NAV3: variants seen among roughly 807,000 people sequenced by gnomAD.
NAV3 encodes the protein pore membrane and/or filament interacting like protein 1.
In NAV3, 87 loss-of-function variants were observed where a neutral mutation model predicts 244.7. The observed-to-expected ratio is 0.36, with a 90% CI of 0.30 to 0.42. The LOEUF is 0.42. Ranked by LOEUF, NAV3 falls within the 20% of genes least tolerant of loss-of-function variation. NAV3 has a pLI of 1.00. For synonymous variants in NAV3, 1,126 were observed against 1,042.2 expected (o/e 1.08, Z -1.55); for missense variants, 2,663 against 2,893.3 (o/e 0.92, Z 1.83).
In NAV3 at chr12:77,719,370, C is replaced by T. The variant is rs553665032; in HGVS notation, c.72+147104C>T. ...GAATAGAAATTGTGAGAGTAGGAAT[C>T]TTTGCCCTTTTTCTAAGGCAAATCT... On this transcript the variant is annotated intron_variant, in intron 2 of 8. Transcript: ENST00000550042. 2.0e-4 allele frequency among the ~76,000 whole-genome samples: 30 copies of T among 149,694 alleles called. No homozygotes were observed. In the South Asian group the frequency reaches 6.1e-3, roughly 30 times the overall value.
chr12:77,851,665 G>A (rs1565856663), intron 1 of NAV3, among the ~76,000 whole-genome samples: 1 of 152,010 alleles, frequency 6.6e-6, no homozygotes, highest in African/African-American at 2.4e-5. Flanking sequence ...AAAATGCTAT[G>A]CTATTATCTC....
chr12:78,196,676 G>T (rs1346065577), intron 34 of NAV3, among the ~76,000 whole-genome samples: 1 of 151,866 alleles, frequency 6.6e-6, no homozygotes, highest in African/African-American at 2.4e-5. Context: ...TAAAATTACA[G>T]CAATTGCATG....
At chr12:77,774,912 A>G (rs546070072) in intron 2 of NAV3, among the ~76,000 whole-genome samples, 1 of 152,334 alleles carries the variant, frequency 6.6e-6, no homozygotes, top group Non-Finnish European at 1.5e-5. Context: ...TCCATTTAGT[A>G]TATTTCTGTA....
chr12:77,737,743 G>A (rs1877395030), intron 2 of NAV3, among the ~76,000 whole-genome samples: 1 of 152,114 alleles, frequency 6.6e-6, no homozygotes, highest in East Asian at 1.9e-4. Flanking sequence ...GCCATTCATT[G>A]GGCTTTTCAA....
intron 1 of NAV3, among the ~76,000 whole-genome samples, chr12:77,920,213 A>G (rs1057170249): frequency 2.0e-5 from 3 of 152,066 alleles, no homozygotes; most frequent in Admixed American, 1.3e-4. Context: ...GTGTTGTTTT[A>G]GGAGTCACAT....
chr12:77,591,266 A>C (rs777904302), intron 2 of NAV3, among the ~76,000 whole-genome samples: 2 of 152,204 alleles, frequency 1.3e-5, no homozygotes, highest in African/African-American at 4.8e-5. Flanking sequence ...TGTTACTTCT[A>C]TCTGTCTCAA....
chr12:77,766,735 G>GTTTGTTTGTTTTT lies in NAV3; in HGVS notation c.73-173581_73-173580insGTTTGTTTTTTTT, dbSNP rs1555202961. Among the ~76,000 whole-genome samples, 49 of 60,514 alleles carry GTTTGTTTGTTTTT rather than the reference G, an allele frequency of 8.1e-4. 1 individual carries two copies. Among genetic ancestry groups the GTTTGTTTGTTTTT allele is most frequent in the South Asian group, 1.7e-3 (2 of 1,190 alleles). 39.7% of individuals were successfully genotyped at this position (60,514 alleles called of 152,430 possible). A position where few individuals can be genotyped will look rare whatever the true frequency, so the allele number is the denominator to read the frequency against. On this transcript the variant is annotated intron_variant, in intron 2 of 8. Transcript: ENST00000550042. ...AGGATTCTAAAAAACAGGCAATTAA[G>GTTTGTTTGTTTTT]TTTTTTTTTTTTTTTTTTTTTTTTT...
intron 1 of NAV3, among the ~76,000 whole-genome samples, chr12:77,934,051 T>C (rs1466891790): frequency 2.6e-5 from 4 of 152,192 alleles, no homozygotes; most frequent in African/African-American, 9.6e-5. Flanking sequence ...CATAATCACT[T>C]TCAGTTTAAA....
intron 23 of NAV3, among the ~76,000 whole-genome samples, chr12:78,164,656 T>C (rs192872491): frequency 1.3e-5 from 2 of 152,190 alleles, no homozygotes. Flanking sequence ...TGTAATTTAT[T>C]TGAAACTAGA....
intron 2 of NAV3, among the ~76,000 whole-genome samples, chr12:77,666,616 G>T (rs1873728585): frequency 6.6e-6 from 1 of 152,126 alleles, no homozygotes; most frequent in Admixed American, 6.6e-5. Context: ...TCTGCTCAAG[G>T]TATTAAATTG....
intron 9 of NAV3, among the ~76,000 whole-genome samples, chr12:78,031,272 G>A (rs1878934289): frequency 6.6e-6 from 1 of 152,180 alleles, no homozygotes; most frequent in African/African-American, 2.4e-5. Flanking sequence ...CTACCTGGAA[G>A]TACTGGTGTC....
chr12:77,968,897 G>C (rs1330461497), intron 5 of NAV3, among the ~76,000 whole-genome samples, 195 bp downstream of exon 5: 1 of 152,078 alleles, frequency 6.6e-6, no homozygotes, highest in Admixed American at 6.6e-5. Context: ...CATCTTTTGG[G>C]TGACGTATTT....
At chr12:78,146,717 C>T (rs1956878471) in intron 21 of NAV3, among the ~76,000 whole-genome samples, 1 of 151,428 alleles carries the variant, frequency 6.6e-6, no homozygotes, top group South Asian at 2.1e-4. Flanking sequence ...GTCTTTTTCC[C>T]ACTCCCTGTA....
intron 38 of NAV3, among the ~76,000 whole-genome samples, chr12:78,203,791 C>A (rs1244437304): frequency 6.6e-6 from 1 of 151,730 alleles, no homozygotes; most frequent in African/African-American, 2.4e-5. Context: ...TATGTTACTG[C>A]CCCCTTCTCT....
chr12:77,760,481 C>G (rs1869406522), intron 2 of NAV3, among the ~76,000 whole-genome samples: 1 of 152,200 alleles, frequency 6.6e-6, no homozygotes, highest in South Asian at 2.1e-4. Context: ...TGTTTAGTGT[C>G]ACTTGTACTA....
At chr12:77,583,012 A>G (rs1174765777) in intron 2 of NAV3, among the ~76,000 whole-genome samples, 1 of 152,226 alleles carries the variant, frequency 6.6e-6, no homozygotes, top group African/African-American at 2.4e-5. Context: ...TTCCACTTTG[A>G]TAAACATTCT....
intron 3 of NAV3, among the ~76,000 whole-genome samples, chr12:77,962,389 A>G (rs981757598): frequency 1.2e-4 from 19 of 152,178 alleles, no homozygotes; most frequent in African/African-American, 4.1e-4. Flanking sequence ...ATGTCGAAAA[A>G]GAAACTTCCG....
rs562780273 is a variant in NAV3 at position 78,079,815 on chromosome 12, A to G, written c.2636+20700A>G. Among the ~76,000 whole-genome samples the G allele has an allele frequency of 3.9e-5, 6 of 152,310 alleles. No homozygotes were observed. The East Asian group carries it at 9.7e-4, about 25-fold the overall frequency. ...TCTAAGTGGAGTTTCTACTGATTCT[A>G]TGCATGATAAATAATGGTTACTCTC... On this transcript the variant is annotated intron_variant, in intron 12 of 39. Transcript: ENST00000397909.
chr12:77,755,589 C>A (rs1175235393), intron 2 of NAV3, among the ~76,000 whole-genome samples: 9 of 20,868 alleles, frequency 4.3e-4, no homozygotes, highest in African/African-American at 4.0e-3. Flanking sequence ...TTTCCTCCCT[C>A]CCTCCCTCCC....
Sources: gnomAD v4.1 joint callset for allele counts (sites outside exome capture counted in the v4.1 genomes callset) on GRCh38, gnomAD v4.1.1 for gene constraint, MANE v1.5 for transcripts, NCBI Gene and HGNC (gene_info 2026-07-23, HGNC 2026-07-21) for gene names.